Variants in ADNP2 observed in about 807,000 individuals in gnomAD.
ADNP2 encodes activity-dependent neuroprotector homeobox protein 2.
A neutral mutation model predicts 16.4 loss-of-function variants in ADNP2; 8 were observed. The ratio of observed to expected loss-of-function variants is 0.49; its 90% confidence interval spans 0.29 to 0.88. The LOEUF (loss-of-function observed/expected upper bound fraction) is 0.88, where lower values mean the gene tolerates loss of function less well. ADNP2 is among the 40% of genes least tolerant of loss of function. ADNP2 has a pLI of 0.09. For synonymous variants in ADNP2, 637 were observed against 545.8 expected, an observed-to-expected ratio of 1.17 and a Z score of -2.33; for missense variants, 1,397 against 1,395.1, an observed-to-expected ratio of 1.00 and a Z score of -0.02.
chr18:80,119,757 A>G (rs2145195769), intron 2 of ADNP2, among the ~76,000 whole-genome samples: 1 of 152,350 alleles, frequency 6.6e-6, no homozygotes, highest in Middle Eastern at 3.4e-3. Flanking sequence ...TATAAAAATT[A>G]ACATCTGATC....
chr18:80,120,569 T>A (rs2145196569), intron 2 of ADNP2, among the ~76,000 whole-genome samples: 1 of 152,216 alleles, frequency 6.6e-6, no homozygotes, highest in East Asian at 1.9e-4. Context: ...ACTCCTGGGC[T>A]CAAGCGATCC....
intron 2 of ADNP2, among the ~76,000 whole-genome samples, chr18:80,128,736 A>G (rs2052476408): frequency 1.3e-5 from 2 of 152,238 alleles, no homozygotes. Flanking sequence ...TTGGTAAGCT[A>G]CATACTAGCG....
intron 2 of ADNP2, among the ~76,000 whole-genome samples, chr18:80,131,435 A>G (rs1283631832): frequency 6.6e-6 from 1 of 152,172 alleles, no homozygotes; most frequent in Non-Finnish European, 1.5e-5. Context: ...TACGTTCTAG[A>G]TCTTTGTTTA....
chr18:80,115,502 ATTC>A (rs1160669328), intron 1 of ADNP2, among the ~76,000 whole-genome samples: 3 of 152,186 alleles, frequency 2.0e-5, no homozygotes, highest in East Asian at 1.9e-4. Flanking sequence ...AACTATCTCT[ATTC>A]TTCTATCTGT....
chr18:80,131,622 C>G (rs562041108), intron 2 of ADNP2, among the ~76,000 whole-genome samples: 1 of 148,060 alleles, frequency 6.8e-6, no homozygotes, highest in Non-Finnish European at 1.5e-5. Context: ...ATGTGCACAA[C>G]GTGCAGGTTT....
At position 80,136,919 on chromosome 18, in the gene ADNP2, G is replaced by T; in HGVS notation, c.1506G>T (p.Gln502His). 1 of 1,614,166 alleles carries T rather than the reference G, an allele frequency of 6.2e-7. No individual in the cohort carries two copies. The highest frequency in any genetic ancestry group is 2.2e-5 in the East Asian group (1 of 44,880). ...TAPSRVLPPG[Q>H]TAPLRVISAG... The stretch of plus-strand genomic sequence containing the variant: ...CGTCACGGGTTCTTCCCCCAGGCCA[G>T]ACAGCCCCATTGAGGGTTATCTCTG... The change falls in exon 4 of 4, where the codon CAG (glutamine) becomes CAT (histidine). Residue 502 changes from glutamine to histidine, a missense_variant. This residue lies in a region of ADNP2 where 777 missense variants were observed against 719.4 expected (regional missense o/e 1.08). Coordinates refer to ENST00000262198, the MANE Select transcript of ADNP2 (RefSeq NM_014913.4).
chr18:80,137,075 TC>T lies in ADNP2; in HGVS notation c.1664del (p.Pro555LeufsTer6). On this transcript the variant is annotated frameshift_variant, in exon 4 of 4. Transcript: ENST00000262198. LOFTEE classifies it low-confidence loss of function (END_TRUNC). The surrounding 1 kb of genome is among the most constrained non-coding windows in gnomAD (Gnocchi z 4.2). ...GTCAGCCTGTTGTGTCGGGAGTTCT[TC>T]CTGTGGGCCAGCCAGTGAGGCCTGG... ...LSQPVVSGVLPVGQPVRPGVL... is the reference protein window; with the variant it reads ...LSQPVVSGVLXVGQPVRPGVL... 1.2e-6 allele frequency: 2 copies of T among 1,613,870 alleles called. No homozygotes were observed. The highest frequency in any genetic ancestry group is 1.7e-6 in the Non-Finnish European group (2 of 1,179,964).
intron 1 of ADNP2, among the ~76,000 whole-genome samples, chr18:80,115,415 G>A (rs1161362690): frequency 6.6e-6 from 1 of 152,060 alleles, no homozygotes; most frequent in East Asian, 1.9e-4. Flanking sequence ...ACTGCTACTG[G>A]GGTGTATAAC....
intron 2 of ADNP2, among the ~76,000 whole-genome samples, chr18:80,126,992 T>TC (rs1166016685): frequency 1.3e-5 from 2 of 152,232 alleles, no homozygotes; most frequent in Non-Finnish European, 2.9e-5. Flanking sequence ...CATCGTGTCA[T>TC]CGCATGCCAC....
intron 1 of ADNP2, among the ~76,000 whole-genome samples, chr18:80,114,203 A>G (rs1290264002): frequency 6.6e-6 from 1 of 151,886 alleles, no homozygotes; most frequent in Admixed American, 6.6e-5. Flanking sequence ...AAAAAAAAAA[A>G]AAGAAAAAAA....
intron 2 of ADNP2, among the ~76,000 whole-genome samples, chr18:80,132,642 TTC>T (rs759533361): frequency 3.4e-4 from 51 of 149,412 alleles, no homozygotes; most frequent in Middle Eastern, 3.4e-3. Flanking sequence ...CTCTCTTTTT[TTC>T]TCTCTCTCAC....
At chr18:80,120,547 G>C (rs1473454426) in intron 2 of ADNP2, among the ~76,000 whole-genome samples, 1 of 152,014 alleles carries the variant, frequency 6.6e-6, no homozygotes, top group African/African-American at 2.4e-5. Context: ...ATGTTGCTCA[G>C]GCTGGTCTTG....
intron 3 of ADNP2, among the ~76,000 whole-genome samples, chr18:80,134,659 T>C (rs560974900): frequency 2.2e-4 from 33 of 152,086 alleles, no homozygotes; most frequent in Non-Finnish European, 4.4e-4. Flanking sequence ...TCTTACTAGA[T>C]GTTAGAACAG....
At chr18:80,112,803 T>A (rs1471859649) in intron 1 of ADNP2, among the ~76,000 whole-genome samples, 1 of 152,196 alleles carries the variant, frequency 6.6e-6, no homozygotes, top group Non-Finnish European at 1.5e-5. Flanking sequence ...TTCTCAAAAC[T>A]CTGTGATAAG....
chr18:80,119,160 T>C (rs1205431495), intron 2 of ADNP2, among the ~76,000 whole-genome samples: 1 of 152,204 alleles, frequency 6.6e-6, no homozygotes, highest in Non-Finnish European at 1.5e-5. Flanking sequence ...GTTGTTTCTT[T>C]TTCACTGAAC....
chr18:80,136,518 C>T lies in ADNP2; in HGVS notation c.1105C>T (p.Pro369Ser), dbSNP rs1163658938. The change falls in exon 4 of 4, where the codon CCT becomes TCT. Residue 369 changes from proline (P) to serine (S), a missense_variant. Physicochemically the swap from Pro to Ser is moderately conservative, Grantham distance 74. Coordinates refer to ENST00000262198, the MANE Select transcript of ADNP2 (RefSeq NM_014913.4). Reference sequence around the variant, plus strand: ...GGTTCCACTTCATCAGTCTGTGAATCCTCCTGTGTTGCCCTTGAGTCAGCC... The same window carrying T: ...GGTTCCACTTCATCAGTCTGTGAATTCTCCTGTGTTGCCCTTGAGTCAGCC... ...HGVPLHQSVN[P>S]PVLPLSQPVG... 3.1e-6 allele frequency: 5 copies of T among 1,614,084 alleles called. No individual in the cohort carries two copies. Among genetic ancestry groups the T allele is most frequent in the Non-Finnish European group, 4.2e-6 (5 of 1,180,038 alleles).
In ADNP2 at chr18:80,138,426, G is replaced by A; in HGVS notation, c.3013G>A (p.Ala1005Thr). ...GCCTCCCATCCTAAATGCCGATGCA[G>A]CCCCGGGTCCAGAAAAGGTGACGAG... is the stretch of plus-strand genomic sequence containing the variant. ...EQPPILNADA[A>T]PGPEKVTSVV... is the part of the protein sequence containing the mutation. The change falls in exon 4 of 4, where the codon GCC becomes ACC. Residue 1005 changes from alanine (A) to threonine (T), a missense_variant. By Grantham distance (58) the Ala-to-Thr change is moderately conservative (BLOSUM62 0). Transcript: ENST00000262198. 1 of 1,614,092 alleles carries A rather than the reference G, an allele frequency of 6.2e-7. No individual in the cohort carries two copies. Among genetic ancestry groups the A allele is most frequent in the Non-Finnish European group, 8.5e-7 (1 of 1,180,038 alleles).
chr18:80,132,083 T>A (rs1003318744), intron 2 of ADNP2, among the ~76,000 whole-genome samples: 1 of 152,198 alleles, frequency 6.6e-6, no homozygotes. Context: ...ACGTTTAGGC[T>A]TTGCGTACAT....
Position 80,138,118 on chromosome 18 carries a change from C to T in ADNP2, c.2705C>T (p.Pro902Leu), listed in dbSNP as rs1398568777. Residue 902 changes from proline to leucine, a missense_variant, in exon 4 of 4, where the codon CCC becomes CTC. Pro to Leu is a moderately conservative substitution (Grantham distance 98). This residue lies in a region of ADNP2 where 611 missense variants were observed against 648.7 expected (regional missense o/e 0.94). Transcript: ENST00000262198. ...TTGAAGGAGAGGCACCACATCATGCCCACAGTCCACACGGTCCTGAAGTCT... is the reference window on the plus strand; with the variant it reads ...TTGAAGGAGAGGCACCACATCATGCTCACAGTCCACACGGTCCTGAAGTCT... ...LHLKERHHIMPTVHTVLKSPA... is the reference protein window; with the variant it reads ...LHLKERHHIMLTVHTVLKSPA... 1 of 1,613,992 alleles carries T rather than the reference C, an allele frequency of 6.2e-7. No homozygotes were observed. Among genetic ancestry groups the T allele is most frequent in the Admixed American group, 1.7e-5 (1 of 60,018 alleles).
Sources: gnomAD v4.1 joint callset for allele counts (sites outside exome capture counted in the v4.1 genomes callset) on GRCh38, gnomAD v4.1.1 for gene constraint, gnomAD v4.1.1 regional missense constraint, Gnocchi (gnomAD v3.1) non-coding constraint, MANE v1.5 for transcripts, NCBI Gene and HGNC (gene_info 2026-07-23, HGNC 2026-07-21) for gene names.